Variants in SPECC1 observed in about 807,000 individuals in gnomAD.
The protein encoded by SPECC1 is cytospin-B.
A neutral mutation model predicts 104.1 loss-of-function variants in SPECC1; 62 were observed. The observed-to-expected ratio is 0.60, with a 90% CI of 0.49 to 0.74. SPECC1 has a LOEUF of 0.74. Among genes scored for constraint, SPECC1 ranks in the 30% least tolerant of loss-of-function variants. SPECC1 has a pLI of 0.00. For missense variants in SPECC1, 1,306 were observed against 1,310.5 expected (o/e 1.00, Z 0.05); for synonymous variants, 513 against 501.6 (o/e 1.02, Z -0.30).
chr17:20,081,602 T>G (rs1278738513), intron 1 of SPECC1, among the ~76,000 whole-genome samples: 1 of 151,942 alleles, frequency 6.6e-6, no homozygotes, highest in African/African-American at 2.4e-5. Flanking sequence ...GTGGAAAGAT[T>G]AGCCAGGTGG....
rs572075468 is a variant in SPECC1 at position 20,014,057 on chromosome 17, G to A, written c.-22+4633G>A. On this transcript the variant is annotated intron_variant, in intron 1 of 14. Transcript: ENST00000395527. ...AGTAGATACTAGCAAACAGTTTTCA[G>A]TACCGGTTGCACCAACTTATTTACC... Among the ~76,000 whole-genome samples, 3 of 152,082 alleles carry A rather than the reference G, an allele frequency of 2.0e-5. No individual in the cohort carries two copies. In the South Asian group the frequency reaches 6.2e-4, roughly 32 times the overall value.
At chr17:20,265,435 G>A (rs928283901) in intron 12 of SPECC1, among the ~76,000 whole-genome samples, 5 of 152,070 alleles carry the variant, frequency 3.3e-5, no homozygotes, top group African/African-American at 1.2e-4. Context: ...CATTTCCTTT[G>A]CCTATTTTTT....
At chr17:20,206,277 G>A (rs1233750976) in intron 4 of SPECC1, among the ~76,000 whole-genome samples, 1 of 152,216 alleles carries the variant, frequency 6.6e-6, no homozygotes, top group Non-Finnish European at 1.5e-5. Flanking sequence ...GGAAGAAATA[G>A]CAACTGAGCT....
chr17:20,239,268 AC>A, intron 7 of SPECC1: 1 of 1,014,210 alleles, frequency 9.9e-7, no homozygotes, highest in South Asian at 4.7e-5. Context: ...TATACTAATA[AC>A]AAAATGGAGA....
intron 3 of SPECC1, chr17:20,126,565 G>A (rs1185529047): frequency 6.6e-6 from 1 of 152,056 alleles, no homozygotes; most frequent in African/African-American, 2.4e-5. Context: ...TCTCTTCTTA[G>A]CACTAATGGT....
At chr17:20,033,830 A>G (rs907127456) in intron 1 of SPECC1, among the ~76,000 whole-genome samples, 3 of 152,194 alleles carry the variant, frequency 2.0e-5, no homozygotes, top group Non-Finnish European at 4.4e-5. Flanking sequence ...TATCCAAACC[A>G]TTAACACCCT....
chr17:20,248,741 G>T (rs1479006260), intron 9 of SPECC1, among the ~76,000 whole-genome samples: 1 of 151,924 alleles, frequency 6.6e-6, no homozygotes, highest in Non-Finnish European at 1.5e-5. Flanking sequence ...AAGAAGTATT[G>T]ATATATTGTG....
chr17:20,257,749 G>C, intron 11 of SPECC1, 142 bp downstream of exon 11: 1 of 1,159,134 alleles, frequency 8.6e-7, no homozygotes, highest in Non-Finnish European at 1.2e-6. Flanking sequence ...GCCTGCCCTT[G>C]GTGAGTCTAA....
intron 3 of SPECC1, chr17:20,111,716 C>T (rs887631644): frequency 6.3e-6 from 4 of 634,736 alleles, no homozygotes; most frequent in African/African-American, 5.6e-5. Context: ...CGAAAGGAGG[C>T]GAATCCCAGT....
At chr17:20,077,724 C>T (rs766386479) in intron 1 of SPECC1, among the ~76,000 whole-genome samples, 10 of 152,084 alleles carry the variant, frequency 6.6e-5, no homozygotes, top group Non-Finnish European at 1.2e-4. Context: ...GTTTTGGCCT[C>T]CCAAAGTGCT....
At chr17:20,299,152 C>T (rs932987051) in intron 13 of SPECC1, among the ~76,000 whole-genome samples, 2 of 151,902 alleles carry the variant, frequency 1.3e-5, no homozygotes, top group African/African-American at 4.8e-5. Context: ...GTGGAATTCC[C>T]TCTTCTTCAG....
chr17:20,071,714 T>A (rs1403752784), intron 1 of SPECC1, among the ~76,000 whole-genome samples: 2 of 152,222 alleles, frequency 1.3e-5, no homozygotes, highest in Non-Finnish European at 1.5e-5. Flanking sequence ...GGATTTTTTT[T>A]AACGTGATAA....
chr17:20,105,402 G>C (rs1398554080), intron 2 of SPECC1, among the ~76,000 whole-genome samples: 2 of 152,078 alleles, frequency 1.3e-5, no homozygotes, highest in African/African-American at 4.8e-5. Context: ...TCAGTACCTG[G>C]GTCATATAGG....
intron 4 of SPECC1, among the ~76,000 whole-genome samples, chr17:20,212,387 G>C (rs1420071165): frequency 6.6e-6 from 1 of 152,008 alleles, no homozygotes; most frequent in African/African-American, 2.4e-5. Context: ...AGACTGGAAA[G>C]AAAAAAAGGA....
At chr17:20,293,806 G>C (rs902650141) in intron 12 of SPECC1, among the ~76,000 whole-genome samples, 1 of 152,156 alleles carries the variant, frequency 6.6e-6, no homozygotes, top group African/African-American at 2.4e-5. Flanking sequence ...GGAACTTGAT[G>C]CTTCATTTGG....
chr17:20,260,839 G>A (rs2040000174), intron 12 of SPECC1, among the ~76,000 whole-genome samples: 1 of 152,008 alleles, frequency 6.6e-6, no homozygotes, highest in Non-Finnish European at 1.5e-5. Flanking sequence ...GAGGGGTAGG[G>A]GATGTGGGTC....
intron 1 of SPECC1, among the ~76,000 whole-genome samples, chr17:20,015,865 T>C (rs1412864050): frequency 2.1e-5 from 3 of 143,072 alleles, no homozygotes; most frequent in African/African-American, 7.6e-5. Context: ...GTTACAGGCG[T>C]GAGCCACCAC....
At chr17:20,223,161 A>G (rs937449522) in intron 4 of SPECC1, among the ~76,000 whole-genome samples, 50 of 152,024 alleles carry the variant, frequency 3.3e-4, no homozygotes, top group African/African-American at 1.2e-3. Flanking sequence ...TTTAAAGCCA[A>G]TAACTTACTA....
chr17:20,194,124 A>G (rs1343627555), intron 3 of SPECC1, among the ~76,000 whole-genome samples: 1 of 152,186 alleles, frequency 6.6e-6, no homozygotes, highest in African/African-American at 2.4e-5. Context: ...AAGAATAATT[A>G]TTTTTCACAT....
Sources: gnomAD v4.1 joint callset for allele counts (sites outside exome capture counted in the v4.1 genomes callset) on GRCh38, gnomAD v4.1.1 for gene constraint, MANE v1.5 for transcripts, NCBI Gene and HGNC (gene_info 2026-07-23, HGNC 2026-07-21) for gene names.